IRAK2: variants seen among roughly 807,000 people sequenced by gnomAD.
IRAK2 encodes the protein interleukin 1 receptor associated kinase 2, also known as interleukin-1 receptor-associated kinase-like 2.
IRAK2 carries 57 observed loss-of-function variants against 72.0 expected under a neutral mutation model. The ratio of observed to expected loss-of-function variants is 0.79; its 90% CI spans 0.64 to 0.99. The LOEUF is 0.99. IRAK2 is among the 50% of genes least tolerant of loss of function. The pLI, the probability that IRAK2 is intolerant of heterozygous loss-of-function variation, is 0.00. For synonymous variants in IRAK2, 293 were observed against 312.7 expected (o/e 0.94, Z 0.67); for missense variants, 790 against 794.4 (o/e 0.99, Z 0.07).
In IRAK2 at chr3:10,179,088, A is replaced by AC. The variant is rs78933199; in HGVS notation, c.277+1073dup. Among the ~76,000 whole-genome samples the AC allele has an allele frequency of 4.2e-4, 64 of 151,148 alleles. 1 individual carries two copies. The East Asian group carries it at 0.012, about 28-fold the overall frequency. On this transcript the variant is annotated intron_variant, in intron 2 of 12. Coordinates refer to ENST00000256458, the MANE Select transcript of IRAK2 (RefSeq NM_001570.4). The stretch of plus-strand genomic sequence containing the variant: ...CATGAGTCACATCACCCTGCCTGCA[A>AC]CCCCCTTTTGATACAGCTAGTAGCA...
At chr3:10,217,298 A>G (rs1417649544) in intron 7 of IRAK2, among the ~76,000 whole-genome samples, 1 of 152,212 alleles carries the variant, frequency 6.6e-6, no homozygotes, top group Non-Finnish European at 1.5e-5. Flanking sequence ...CAAAATATGA[A>G]AAAGAAAAAG....
intron 7 of IRAK2, 49 bp from the exon 8 acceptor site, chr3:10,219,631 T>A: frequency 6.8e-7 from 1 of 1,461,160 alleles, no homozygotes; most frequent in African/African-American, 1.4e-5. Context: ...ATCAGGACTT[T>A]AAAAAGGTAC....
chr3:10,217,617 G>T (rs898046850), intron 7 of IRAK2, among the ~76,000 whole-genome samples: 6 of 152,210 alleles, frequency 3.9e-5, no homozygotes. Context: ...TGCTGCTAGG[G>T]AGCAGAACTA....
intron 1 of IRAK2, among the ~76,000 whole-genome samples, chr3:10,176,634 C>T (rs983274468): frequency 2.5e-4 from 38 of 150,682 alleles, no homozygotes; most frequent in Admixed American, 7.3e-4. Context: ...CACGCCACCA[C>T]GCCCGGCTAA....
At chr3:10,235,215 G>A (rs1320732204) in intron 11 of IRAK2, among the ~76,000 whole-genome samples, 2 of 152,208 alleles carry the variant, frequency 1.3e-5, no homozygotes, top group Non-Finnish European at 2.9e-5. Context: ...GTCCTAGAAA[G>A]CAGCCACTAC....
chr3:10,209,805 A>G lies in IRAK2; in HGVS notation c.528+113A>G, dbSNP rs181746881. ...ACCAGTTTAAGGGTGGAGAGGAGAA[A>G]GGAAATTGCCATCAAATTACCCCAA... On this transcript the variant is annotated intron_variant, in intron 4 of 12. Coordinates refer to ENST00000256458, the MANE Select transcript of IRAK2 (RefSeq NM_001570.4). 1,045 of 546,664 alleles carry G rather than the reference A, an allele frequency of 1.9e-3. 29 individuals carry two copies. In the South Asian group the frequency reaches 0.035, roughly 18 times the overall value. 33.9% of individuals were successfully genotyped at this position (546,664 alleles called of 1,614,324 possible). A position where few individuals can be genotyped will look rare whatever the true frequency, so the allele number is the denominator to read the frequency against.
At chr3:10,182,287 C>T (rs1456923001) in intron 2 of IRAK2, among the ~76,000 whole-genome samples, 118 of 128,740 alleles carry the variant, frequency 9.2e-4, no homozygotes, top group African/African-American at 3.1e-3. Context: ...TTCTTTTTTT[C>T]TTTTTTTTTT....
chr3:10,210,902 C>T (rs577313120), intron 4 of IRAK2, among the ~76,000 whole-genome samples: 14 of 152,256 alleles, frequency 9.2e-5, no homozygotes, highest in African/African-American at 3.4e-4. Flanking sequence ...CTCCATTGCC[C>T]AGGCTGGAGT....
chr3:10,177,950 C>T lies in IRAK2; in HGVS notation c.207C>T (p.Ala69=). ...ELLWWWGMRQ[A]TVQQLVDLLC... ...TGTGGTGGTGGGGCATGCGGCAGGC[C>T]ACCGTCCAGCAACTTGTGGACCTCC... The change falls in exon 2 of 13, where the codon GCC becomes GCT. Residue 69 remains alanine (A), a synonymous_variant. Transcript: ENST00000256458. The T allele has an allele frequency of 1.2e-6, 2 of 1,613,822 alleles. No individual in the cohort carries two copies. The highest frequency in any genetic ancestry group is 1.7e-6 in the Non-Finnish European group (2 of 1,180,022).
Position 10,234,617 on chromosome 3 carries a change from T to G in IRAK2, c.1431T>G (p.Ala477=). The G allele has an allele frequency of 6.2e-7, 1 of 1,613,092 alleles. No individual in the cohort carries two copies. The highest frequency in any genetic ancestry group is 1.1e-5 in the South Asian group (1 of 91,074). ...PEDCAEALAT[A]ACLCLRRRNT... is the part of the protein sequence containing the mutation. ...ACTGCGCCGAGGCCCTGGCCACGGCTGCCTGCCTGTGCCTGCGGAGGCGTA... is the reference window on the plus strand; with the variant it reads ...ACTGCGCCGAGGCCCTGGCCACGGCGGCCTGCCTGTGCCTGCGGAGGCGTA... Residue 477 remains alanine, a synonymous_variant, in exon 11 of 13, where the codon GCT becomes GCG. Transcript: ENST00000256458.
intron 2 of IRAK2, among the ~76,000 whole-genome samples, chr3:10,183,558 C>A (rs1457143996): frequency 2.6e-5 from 4 of 151,928 alleles, no homozygotes. Context: ...TCTACTAAAA[C>A]AAACAAACAA....
intron 10 of IRAK2, among the ~76,000 whole-genome samples, chr3:10,234,189 T>C (rs539738238): frequency 6.6e-6 from 1 of 152,230 alleles, no homozygotes; most frequent in East Asian, 1.9e-4. Flanking sequence ...GTTGTTCCCA[T>C]TTTCCTGATG....
rs1415869805 is a variant in IRAK2, at chr3:10,226,370, G to T, written c.1210-1G>T. On this transcript the variant is annotated splice_acceptor_variant, in intron 9 of 12. Coordinates refer to ENST00000256458, the MANE Select transcript of IRAK2 (RefSeq NM_001570.4). LOFTEE classifies it high-confidence loss of function. The stretch of plus-strand genomic sequence containing the variant: ...GCTAACTCACGTTCTGTTCTCTCCA[G>T]GTGTTGGCCGAGGTCCTCACGGGCA... The T allele has an allele frequency of 6.2e-7, 1 of 1,613,214 alleles. No individual in the cohort carries two copies. The highest frequency in any genetic ancestry group is 1.7e-5 in the Admixed American group (1 of 59,984).
rs953089948 is a variant in IRAK2 at position 10,226,574 on chromosome 3, A to T, written c.1272+141A>T. The T allele has an allele frequency of 1.9e-5, 12 of 630,036 alleles. No individual in the cohort carries two copies. In the East Asian group the frequency reaches 3.2e-4, roughly 17 times the overall value. The allele number at this position is 630,036 out of a possible 1,614,324, so 39.0% of individuals were successfully genotyped here. On this transcript the variant is annotated intron_variant, in intron 10 of 12. Coordinates refer to ENST00000256458, the MANE Select transcript of IRAK2 (RefSeq NM_001570.4). Reference sequence around the variant, plus strand: ...GGTTGCATTTGCATCCCCACAAAGCAGCTTTAACCTCCCATCCCCACCTGC... The same window carrying T: ...GGTTGCATTTGCATCCCCACAAAGCTGCTTTAACCTCCCATCCCCACCTGC...
At chr3:10,241,999 AG>A (rs1158425566) in intron 12 of IRAK2, 116 bp from the exon 13 acceptor site, 8 of 514,876 alleles carry the variant, frequency 1.6e-5, no homozygotes, top group East Asian at 1.0e-4. Flanking sequence ...AAAAAAAAAA[AG>A]AAATGCTCAT....
In IRAK2 at chr3:10,183,132, G is replaced by T. The variant is rs113981801; in HGVS notation, c.277+5112G>T. ...AATTTGAAGAAAACAGTACTTGAAA[G>T]CCCCACACACCAGAAGTCCTGGACA... is the stretch of plus-strand genomic sequence containing the variant. On this transcript the variant is annotated intron_variant, in intron 2 of 12. Coordinates refer to ENST00000256458, the MANE Select transcript of IRAK2 (RefSeq NM_001570.4). Among the ~76,000 whole-genome samples, 277 of 152,276 alleles carry T rather than the reference G, an allele frequency of 1.8e-3. 1 individual carries two copies. Among genetic ancestry groups the T allele is most frequent in the African/African-American group, 6.4e-3 (265 of 41,552 alleles).
Position 10,224,582 on chromosome 3 carries a change from C to T in IRAK2, c.1209+1751C>T, listed in dbSNP as rs539947387. Among the ~76,000 whole-genome samples, 188 of 150,658 alleles carry T rather than the reference C, an allele frequency of 1.2e-3. 1 individual carries two copies. The highest frequency in any genetic ancestry group is 4.5e-3 in the African/African-American group (183 of 40,946). On this transcript the variant is annotated intron_variant, in intron 9 of 12. Transcript: ENST00000256458. ...ATGACTGTGGTTATTGTTATTCCCA[C>T]CTTTACACCCTCCTTCTGATATCTG...
At chr3:10,177,336 G>C (rs1241866010) in intron 1 of IRAK2, among the ~76,000 whole-genome samples, 1 of 152,128 alleles carries the variant, frequency 6.6e-6, no homozygotes, top group African/African-American at 2.4e-5. Context: ...AGGGTCCTGC[G>C]GTGCCACCTG....
chr3:10,207,276 A>G (rs1434094889), intron 3 of IRAK2, among the ~76,000 whole-genome samples: 1 of 152,158 alleles, frequency 6.6e-6, no homozygotes, highest in Admixed American at 6.5e-5. Flanking sequence ...TTAATAGCCA[A>G]AGTTCCAGAT....
Sources: allele counts gnomAD v4.1 joint callset (sites outside exome capture counted in the v4.1 genomes callset), GRCh38; gene constraint gnomAD v4.1.1; transcripts MANE v1.5; gene names NCBI Gene and HGNC (gene_info 2026-07-23, HGNC 2026-07-21).